RFTN1: variants seen among roughly 807,000 people sequenced by gnomAD.
RFTN1 encodes the protein raftlin.
A neutral mutation model predicts 46.5 loss-of-function variants in RFTN1; 26 were observed. The ratio of observed to expected loss-of-function variants is 0.56; its 90% CI spans 0.41 to 0.78. RFTN1 has a LOEUF of 0.78. Among genes scored for constraint, RFTN1 ranks in the 30% least tolerant of loss-of-function variants. The pLI, the probability that RFTN1 is intolerant of heterozygous loss-of-function variation, is 0.00. For missense variants in RFTN1, 693 were observed against 718.7 expected, an observed-to-expected ratio of 0.96 and a Z score of 0.41; for synonymous variants, 261 against 284.2, an observed-to-expected ratio of 0.92 and a Z score of 0.82.
At chr3:16,358,498 A>G (rs763480921) in intron 6 of RFTN1, among the ~76,000 whole-genome samples, 12 of 150,764 alleles carry the variant, frequency 8.0e-5, no homozygotes, top group Non-Finnish European at 1.6e-4. Flanking sequence ...AGCTTGTCAG[A>G]TGCGTTGATT....
intron 2 of RFTN1, among the ~76,000 whole-genome samples, chr3:16,488,100 CTTTTT>C (rs11328637): frequency 1.6e-5 from 2 of 125,746 alleles, no homozygotes; most frequent in African/African-American, 2.9e-5. Flanking sequence ...GTGATCCTGA[CTTTTT>C]TTTTTTTTTT....
Position 16,512,140 on chromosome 3 carries a change from A to T in RFTN1, c.-9+1302T>A, listed in dbSNP as rs2076911436. On this transcript the variant is annotated intron_variant, in intron 1 of 9. Coordinates refer to ENST00000334133, the MANE Select transcript of RFTN1 (RefSeq NM_015150.2). This position sits in a 1 kb window ranked among gnomAD's most constrained non-coding sequence, Gnocchi z 4.3. ...CTGGGGTTTGGTGACATCTGGGGTC[A>T]CTTGAACTTCGTTGGGATTCAGCTG... Among the ~76,000 whole-genome samples the T allele has an allele frequency of 1.3e-5, 2 of 152,154 alleles. No individual in the cohort carries two copies. Among genetic ancestry groups the T allele is most frequent in the Non-Finnish European group, 2.9e-5 (2 of 68,024 alleles).
At chr3:16,469,806 C>A (rs938261204) in intron 2 of RFTN1, among the ~76,000 whole-genome samples, 1 of 152,182 alleles carries the variant, frequency 6.6e-6, no homozygotes, top group East Asian at 1.9e-4. Context: ...CAAAGTCAAC[C>A]CCAGGGGAAG....
rs1030670981 is a variant in RFTN1, at chr3:16,384,105, C to T, written c.442-6003G>A. Among the ~76,000 whole-genome samples the T allele has an allele frequency of 1.2e-4, 18 of 152,120 alleles. No individual in the cohort carries two copies. Among genetic ancestry groups the T allele is most frequent in the African/African-American group, 4.1e-4 (17 of 41,408 alleles). ...CTTTAAGAGCCAAGACTGAGATTTC[C>T]CAAAGGAAAAAGAATTCTGCCTCTG... is the stretch of plus-strand genomic sequence containing the variant. On this transcript the variant is annotated intron_variant, in intron 4 of 9. Transcript: ENST00000334133. The surrounding 1 kb of genome is among the most constrained non-coding windows in gnomAD (Gnocchi z 4.7).
intron 3 of RFTN1, among the ~76,000 whole-genome samples, chr3:16,415,941 T>C (rs1436948778): frequency 6.6e-6 from 1 of 152,152 alleles, no homozygotes; most frequent in East Asian, 1.9e-4. Flanking sequence ...GATAATCATA[T>C]AAATTGGGCA....
Position 16,329,855 on chromosome 3 carries a change from A to C in RFTN1, c.1147-2979T>G, listed in dbSNP as rs1436227696. Reference sequence around the variant, plus strand: ...GGCGCCTCACAAAGCCCTGAGTGGCAGAATGGAGTCCTTTTATTGGTGGCT... The same window carrying C: ...GGCGCCTCACAAAGCCCTGAGTGGCCGAATGGAGTCCTTTTATTGGTGGCT... On this transcript the variant is annotated intron_variant, in intron 7 of 9. Transcript: ENST00000334133. This position sits in a 1 kb window ranked among gnomAD's most constrained non-coding sequence, Gnocchi z 4.5. Among the ~76,000 whole-genome samples, 4 of 152,170 alleles carry C rather than the reference A, an allele frequency of 2.6e-5. No homozygotes were observed. The highest frequency in any genetic ancestry group is 4.4e-5 in the Non-Finnish European group (3 of 68,024).
chr3:16,444,660 T>C (rs949379553), intron 2 of RFTN1, among the ~76,000 whole-genome samples: 3 of 152,132 alleles, frequency 2.0e-5, no homozygotes, highest in Admixed American at 2.0e-4. Flanking sequence ...ATACAAATAA[T>C]TGTAAAATAA....
intron 2 of RFTN1, among the ~76,000 whole-genome samples, chr3:16,492,469 G>A (rs1479003167): frequency 1.3e-5 from 2 of 152,196 alleles, no homozygotes; most frequent in African/African-American, 4.8e-5. Context: ...CACTGCTATA[G>A]ATGAGGACAC....
rs193009052 is a variant in RFTN1, at chr3:16,428,093, T to C, written c.332+5758A>G. Reference sequence around the variant, plus strand: ...GCTCCTTAGAGTCATCTTTGCATAGTGAAATTACATATACATATTTACCTT... The same window carrying C: ...GCTCCTTAGAGTCATCTTTGCATAGCGAAATTACATATACATATTTACCTT... On this transcript the variant is annotated intron_variant, in intron 3 of 9. Transcript: ENST00000334133. This position sits in a 1 kb window ranked among gnomAD's most constrained non-coding sequence, Gnocchi z 4.7. Among the ~76,000 whole-genome samples, 4 of 152,320 alleles carry C rather than the reference T, an allele frequency of 2.6e-5. No individual in the cohort carries two copies. Among genetic ancestry groups the C allele is most frequent in the Admixed American group, 2.6e-4 (4 of 15,310 alleles).
Position 16,376,968 on chromosome 3 carries a change from G to T in RFTN1, c.826+750C>A, listed in dbSNP as rs1469834662. 6.6e-6 allele frequency among the ~76,000 whole-genome samples: 1 copy of T among 151,884 alleles called. No homozygotes were observed. The highest frequency in any genetic ancestry group is 1.5e-5 in the Non-Finnish European group (1 of 67,948). ...ACAGAAAGCCCTCCTAAGCCCTGGG[G>T]GTCTTCTGTTAGTTTTCATACTTGT... On this transcript the variant is annotated intron_variant, in intron 5 of 9. Transcript: ENST00000334133. The surrounding 1 kb of genome is among the most constrained non-coding windows in gnomAD (Gnocchi z 4.7).
In RFTN1 at chr3:16,337,689, C is replaced by G. The variant is rs968907387; in HGVS notation, c.1147-10813G>C. ...CCCAGGAGGCGGAGGTTGCAGTGAG[C>G]CCAGATTGCGCCACTGCACTCCAGC... On this transcript the variant is annotated intron_variant, in intron 7 of 9. Coordinates refer to ENST00000334133, the MANE Select transcript of RFTN1 (RefSeq NM_015150.2). This position sits in a 1 kb window ranked among gnomAD's most constrained non-coding sequence, Gnocchi z 5.0. Among the ~76,000 whole-genome samples, 2 of 150,572 alleles carry G rather than the reference C, an allele frequency of 1.3e-5. No individual in the cohort carries two copies. Among genetic ancestry groups the G allele is most frequent in the African/African-American group, 2.5e-5 (1 of 40,678 alleles).
chr3:16,320,364 C>A lies in RFTN1; in HGVS notation c.1332+3012G>T, dbSNP rs2068907458. 6.6e-6 allele frequency among the ~76,000 whole-genome samples: 1 copy of A among 152,202 alleles called. No individual in the cohort carries two copies. Among genetic ancestry groups the A allele is most frequent in the Non-Finnish European group, 1.5e-5 (1 of 68,040 alleles). The stretch of plus-strand genomic sequence containing the variant: ...TAAATATGCCACATCCTCGGTGTGC[C>A]AATCTTGCAGTTTCTTTTCTTAAGT... On this transcript the variant is annotated intron_variant, in intron 9 of 9. Transcript: ENST00000334133. This position sits in a 1 kb window ranked among gnomAD's most constrained non-coding sequence, Gnocchi z 4.5.
chr3:16,420,892 C>T (rs553813359), intron 3 of RFTN1, among the ~76,000 whole-genome samples: 2 of 152,340 alleles, frequency 1.3e-5, no homozygotes, highest in East Asian at 3.9e-4. Context: ...TCTGGGTAGG[C>T]CTGAGAGTCT....
chr3:16,423,722 C>T (rs2075239139), intron 3 of RFTN1, among the ~76,000 whole-genome samples: 1 of 152,066 alleles, frequency 6.6e-6, no homozygotes, highest in African/African-American at 2.4e-5. Context: ...ATGTTCTTTA[C>T]AAGAAAAGGG....
At chr3:16,362,574 G>T (rs779047416) in intron 6 of RFTN1, among the ~76,000 whole-genome samples, 3 of 152,100 alleles carry the variant, frequency 2.0e-5, no homozygotes, top group Non-Finnish European at 1.5e-5. Flanking sequence ...ATCCTGACCT[G>T]GGCATGCTTG....
rs930828041 is a variant in RFTN1, at chr3:16,473,702, T to C, written c.145+20023A>G. ...GATTACAGTTGTGAGCCACTGCACC[T>C]GGCCAAATACTCGGTATTCTTGAAA... On this transcript the variant is annotated intron_variant, in intron 2 of 9. Coordinates refer to ENST00000334133, the MANE Select transcript of RFTN1 (RefSeq NM_015150.2). This position sits in a 1 kb window ranked among gnomAD's most constrained non-coding sequence, Gnocchi z 5.3. Among the ~76,000 whole-genome samples the C allele has an allele frequency of 2.6e-5, 4 of 152,332 alleles. No individual in the cohort carries two copies. In the South Asian group the frequency reaches 8.3e-4, roughly 32 times the overall value.
At chr3:16,439,067 T>C (rs1361165058) in intron 2 of RFTN1, among the ~76,000 whole-genome samples, 3 of 152,222 alleles carry the variant, frequency 2.0e-5, no homozygotes, top group African/African-American at 7.2e-5. Context: ...TAATTTTTGG[T>C]ATGCATGCTG....
chr3:16,486,215 T>C (rs1455981878), intron 2 of RFTN1, among the ~76,000 whole-genome samples: 1 of 152,136 alleles, frequency 6.6e-6, no homozygotes, highest in African/African-American at 2.4e-5. Flanking sequence ...CACCTTTACC[T>C]TGCCTGATGA....
At chr3:16,364,603 G>A (rs1216805762) in intron 6 of RFTN1, among the ~76,000 whole-genome samples, 1 of 152,140 alleles carries the variant, frequency 6.6e-6, no homozygotes, top group Non-Finnish European at 1.5e-5. Flanking sequence ...GATGGGCTTA[G>A]GGCTTCTGTT....
Sources: allele counts gnomAD v4.1 joint callset (sites outside exome capture counted in the v4.1 genomes callset), GRCh38; gene constraint gnomAD v4.1.1; non-coding constraint Gnocchi (gnomAD v3.1); transcripts MANE v1.5; gene names NCBI Gene and HGNC (gene_info 2026-07-23, HGNC 2026-07-21).